FOXP1: variants seen among roughly 807,000 people sequenced by gnomAD.
The protein encoded by FOXP1 is forkhead box protein P1.
A neutral mutation model predicts 98.2 loss-of-function variants in FOXP1; 15 were observed. The observed-to-expected ratio is 0.15, with a 90% CI of 0.10 to 0.24. The LOEUF (loss-of-function observed/expected upper bound fraction) is 0.24, where lower values mean the gene tolerates loss of function less well. FOXP1 is among the 10% of genes least tolerant of loss of function. The pLI is 1.00. For synonymous variants in FOXP1, 371 were observed against 314.5 expected (o/e 1.18, Z -1.90); for missense variants, 633 against 848.5 (o/e 0.75, Z 3.15).
At chr3:71,444,606 G>A (rs2086243980) in intron 3 of FOXP1, among the ~76,000 whole-genome samples, 1 of 152,198 alleles carries the variant, frequency 6.6e-6, no homozygotes, top group African/African-American at 2.4e-5. Flanking sequence ...TCTTGCTGCA[G>A]TTTTCATTGG....
At chr3:71,448,860 T>G (rs957746865) in intron 3 of FOXP1, among the ~76,000 whole-genome samples, 7 of 152,194 alleles carry the variant, frequency 4.6e-5, no homozygotes, top group Non-Finnish European at 1.0e-4. Context: ...TTAGCAAACT[T>G]TGACCTGGGA....
chr3:71,147,945 A>G (rs2060389755), intron 6 of FOXP1, among the ~76,000 whole-genome samples: 1 of 152,262 alleles, frequency 6.6e-6, no homozygotes, highest in South Asian at 2.1e-4. Context: ...AGCAAAGACA[A>G]AAGATCGCCA....
intron 5 of FOXP1, among the ~76,000 whole-genome samples, chr3:71,295,697 T>C (rs1024545678): frequency 2.0e-5 from 3 of 152,234 alleles, no homozygotes; most frequent in East Asian, 3.8e-4. Flanking sequence ...GAATTGAATA[T>C]AAGATGATGA....
chr3:71,445,563 A>G (rs2086335634), intron 3 of FOXP1, among the ~76,000 whole-genome samples: 1 of 152,136 alleles, frequency 6.6e-6, no homozygotes, highest in Non-Finnish European at 1.5e-5. Flanking sequence ...TGAATTCCCT[A>G]TAATTCAAAT....
At chr3:71,437,975 A>T (rs1334498303) in intron 3 of FOXP1, among the ~76,000 whole-genome samples, 4 of 152,238 alleles carry the variant, frequency 2.6e-5, no homozygotes, top group Admixed American at 6.5e-5. Flanking sequence ...TAGAAAATTA[A>T]CATGGATTGA....
chr3:71,051,985 C>T (rs2049958993), intron 9 of FOXP1, among the ~76,000 whole-genome samples: 2 of 152,204 alleles, frequency 1.3e-5, no homozygotes, highest in African/African-American at 4.8e-5. Flanking sequence ...TCTCTAACTT[C>T]AACTCATGCT....
At chr3:70,964,022 G>A (rs1234495729) in intron 20 of FOXP1, among the ~76,000 whole-genome samples, 3 of 152,124 alleles carry the variant, frequency 2.0e-5, no homozygotes, top group South Asian at 2.1e-4. Context: ...AATGCATATT[G>A]GACAAGAATG....
chr3:71,581,022 T>G, intron 2 of FOXP1: 1 of 978,590 alleles, frequency 1.0e-6, no homozygotes, highest in Non-Finnish European at 1.2e-6. Context: ...ATGTTTATAT[T>G]AATTTCATTA....
At chr3:71,222,139 G>A (rs777388544) in intron 5 of FOXP1, among the ~76,000 whole-genome samples, 21 of 152,048 alleles carry the variant, frequency 1.4e-4, no homozygotes, top group Non-Finnish European at 3.1e-4. Flanking sequence ...GTGCCAGAGC[G>A]AGATTCCGTA....
intron 2 of FOXP1, among the ~76,000 whole-genome samples, chr3:71,553,218 G>A (rs368864469): frequency 5.3e-5 from 8 of 152,126 alleles, no homozygotes; most frequent in African/African-American, 1.9e-4. Flanking sequence ...AAATATAACA[G>A]CCCAAATATT....
intron 3 of FOXP1, among the ~76,000 whole-genome samples, chr3:71,443,890 C>A (rs921402114): frequency 2.6e-5 from 4 of 152,144 alleles, no homozygotes; most frequent in Non-Finnish European, 4.4e-5. Context: ...AATACTATTT[C>A]CCCTTTTACC....
intron 3 of FOXP1, among the ~76,000 whole-genome samples, chr3:71,430,606 T>C (rs73837166): frequency 1.0e-3 from 155 of 152,332 alleles, no homozygotes; most frequent in African/African-American, 3.6e-3. Flanking sequence ...GTTCCTTATT[T>C]AACCTGCTTT....
chr3:71,455,237 C>T (rs911347740), intron 3 of FOXP1, among the ~76,000 whole-genome samples: 2 of 152,036 alleles, frequency 1.3e-5, no homozygotes, highest in Non-Finnish European at 2.9e-5. Flanking sequence ...ACATCCCCCC[C>T]GCCGTCTGAA....
chr3:70,994,213 C>CA lies in FOXP1; in HGVS notation c.1063-6137dup, dbSNP rs201386291. Among the ~76,000 whole-genome samples, 86 of 150,686 alleles carry CA rather than the reference C, an allele frequency of 5.7e-4. No homozygotes were observed. In the East Asian group the frequency reaches 0.017, roughly 30 times the overall value. ...CCAAGCCAGATGAAATAATTACAAG[C>CA]AGAAGATGGGGCATTCAATAGCTCT... On this transcript the variant is annotated intron_variant, in intron 13 of 20. Transcript: ENST00000649528.
At chr3:70,977,465 T>A (rs2037803026) in intron 16 of FOXP1, among the ~76,000 whole-genome samples, 178 bp downstream of exon 16, 1 of 152,180 alleles carries the variant, frequency 6.6e-6, no homozygotes, top group South Asian at 2.1e-4. Flanking sequence ...AATAATCACA[T>A]CGTATTGTAA....
intron 3 of FOXP1, among the ~76,000 whole-genome samples, chr3:71,411,307 G>GTGTA (rs1314556849): frequency 6.9e-6 from 1 of 145,326 alleles, no homozygotes; most frequent in African/African-American, 2.8e-5. Flanking sequence ...GTGTGTGTGT[G>GTGTA]TGTGTGTGTG....
chr3:71,396,830 T>C (rs947506306), intron 3 of FOXP1, among the ~76,000 whole-genome samples: 7 of 148,072 alleles, frequency 4.7e-5, no homozygotes, highest in Non-Finnish European at 1.0e-4. Flanking sequence ...AGTGTTTTAT[T>C]TCTCCGAAAC....
At chr3:71,071,201 G>A (rs529265000) in intron 7 of FOXP1, among the ~76,000 whole-genome samples, 1 of 152,136 alleles carries the variant, frequency 6.6e-6, no homozygotes, top group African/African-American at 2.4e-5. Flanking sequence ...AGTGGGGAGC[G>A]GGTGGGAGAG....
At chr3:70,984,124 G>A (rs541607996) in intron 14 of FOXP1, among the ~76,000 whole-genome samples, 1 of 152,170 alleles carries the variant, frequency 6.6e-6, no homozygotes, top group South Asian at 2.1e-4. Flanking sequence ...ACTGCTTTTC[G>A]GCTCTATGTA....
Sources: gnomAD v4.1 joint callset for allele counts (sites outside exome capture counted in the v4.1 genomes callset) on GRCh38, gnomAD v4.1.1 for gene constraint, MANE v1.5 for transcripts, NCBI Gene and HGNC (gene_info 2026-07-23, HGNC 2026-07-21) for gene names.